The following SLC2A14 variants were observed in gnomAD, a reference collection of about 807,000 sequenced individuals.
SLC2A14 encodes the protein solute carrier family 2 member 14.
A neutral mutation model predicts 43.0 loss-of-function variants in SLC2A14; 13 were observed. That is an observed-to-expected ratio of 0.30 (90% CI 0.20 to 0.48). The LOEUF is 0.48. Among genes scored for constraint, SLC2A14 ranks in the 20% least tolerant of loss-of-function variants. SLC2A14 has a pLI of 0.99. For missense variants in SLC2A14, 428 were observed against 620.4 expected (o/e 0.69, Z 3.29); for synonymous variants, 190 against 233.8 (o/e 0.81, Z 1.71).
intron 2 of SLC2A14, among the ~76,000 whole-genome samples, chr12:7,846,697 T>A (rs1592237520): frequency 6.6e-6 from 1 of 151,056 alleles, no homozygotes; most frequent in Admixed American, 6.6e-5. Flanking sequence ...AATGGCGTGA[T>A]CTTGGCTCAC....
At chr12:7,858,446 G>C (rs1178345189) in intron 2 of SLC2A14, among the ~76,000 whole-genome samples, 3 of 152,036 alleles carry the variant, frequency 2.0e-5, no homozygotes, top group African/African-American at 7.2e-5. Context: ...CCCATTCTGT[G>C]GGTTGTCTTT....
At chr12:7,821,158 T>A (rs1488954587) in intron 8 of SLC2A14, 63 bp downstream of exon 8, 1 of 1,248,054 alleles carries the variant, frequency 8.0e-7, no homozygotes, top group Admixed American at 1.8e-5. Context: ...ATGCAATCCA[T>A]CTTTGAACAT....
chr12:7,820,074 T>TAAAAGGCCC (rs1224096120), intron 8 of SLC2A14, among the ~76,000 whole-genome samples: 1 of 61,732 alleles, frequency 1.6e-5, no homozygotes, highest in Non-Finnish European at 3.3e-5. Context: ...TAAGTCTGCA[T>TAAAAGGCCC]AAAAGGCCCA....
At chr12:7,819,647 T>G (rs1863763270) in intron 8 of SLC2A14, 64 bp from the exon 9 acceptor site, 1 of 1,498,148 alleles carries the variant, frequency 6.7e-7, no homozygotes, top group African/African-American at 1.5e-5. Flanking sequence ...TCTGAGCTAC[T>G]TGAAATCTGC....
intron 2 of SLC2A14, among the ~76,000 whole-genome samples, chr12:7,854,610 C>A (rs1261436295): frequency 6.6e-6 from 1 of 152,038 alleles, no homozygotes; most frequent in Non-Finnish European, 1.5e-5. Context: ...CTCCGCCTCC[C>A]GGGTTCAAAC....
In SLC2A14 at chr12:7,831,669, G is replaced by C; in HGVS notation, c.207C>G (p.Ala69=). 1.2e-6 allele frequency: 2 copies of C among 1,614,216 alleles called. No individual in the cohort carries two copies. Among genetic ancestry groups the C allele is most frequent in the South Asian group, 1.1e-5 (1 of 91,088 alleles). ...CGATCATACCCCCGACGGAAAATAT[G>C]GCCACAGACAAGGACCAGAGATTCG... The part of the protein sequence containing the change: ...LLTNLWSLSV[A]IFSVGGMIGS... The change falls in exon 4 of 11, where the codon GCC becomes GCG. Residue 69 remains alanine (A), a synonymous_variant. Transcript: ENST00000431042.
At chr12:7,871,190 AG>A in intron 1 of SLC2A14, 1 of 1,260,282 alleles carries the variant, frequency 7.9e-7, no homozygotes, top group Non-Finnish European at 1.0e-6. Flanking sequence ...TGCTTCAACG[AG>A]GAATCCTCAG....
At chr12:7,847,980 C>T (rs1362438646) in intron 2 of SLC2A14, among the ~76,000 whole-genome samples, 1 of 151,962 alleles carries the variant, frequency 6.6e-6, no homozygotes, top group African/African-American at 2.4e-5. Context: ...AGGCAACAGA[C>T]ACGAGCAAAC....
At position 7,831,614 on chromosome 12, in the gene SLC2A14, G is replaced by T. The variant is rs948978048; in HGVS notation, c.262C>A (p.Arg88Ser). 1.9e-6 allele frequency: 3 copies of T among 1,614,096 alleles called. No homozygotes were observed. The highest frequency in any genetic ancestry group is 2.5e-6 in the Non-Finnish European group (3 of 1,180,028). Reference protein sequence around the residue: ...GSFSVGLFVNRFGRRNSMLIV... With the variant: ...GSFSVGLFVNSFGRRNSMLIV... ...GTTTCTAGTCAATACCTGCCAAAGC[G>T]GTTAACAAAGAGTCCGACGGAAAAG... Residue 88 changes from arginine to serine, a missense_variant, in exon 4 of 11, where the codon CGC becomes AGC. This residue lies in a region of SLC2A14 where 122 missense variants were observed against 128.8 expected (regional missense o/e 0.95). Coordinates refer to ENST00000431042, the MANE Select transcript of SLC2A14 (RefSeq NM_001286234.2).
intron 1 of SLC2A14, among the ~76,000 whole-genome samples, chr12:7,878,857 A>G (rs1408695159): frequency 6.6e-6 from 1 of 151,272 alleles, no homozygotes; most frequent in Non-Finnish European, 1.5e-5. Flanking sequence ...CCTGCCTGTA[A>G]TCCCAGCTAC....
At chr12:7,859,969 A>G (rs1423923882) in intron 2 of SLC2A14, among the ~76,000 whole-genome samples, 1 of 152,192 alleles carries the variant, frequency 6.6e-6, no homozygotes, top group Non-Finnish European at 1.5e-5. Flanking sequence ...AATTCCAGGC[A>G]GAGAGATGCT....
intron 4 of SLC2A14, 116 bp downstream of exon 4, chr12:7,831,488 T>C (rs1428768064): frequency 2.0e-5 from 29 of 1,467,074 alleles, no homozygotes; most frequent in Non-Finnish European, 2.6e-5. Context: ...TTTCCCTTGA[T>C]TAGAATTCAA....
intron 7 of SLC2A14, among the ~76,000 whole-genome samples, chr12:7,822,091 TGG>T (rs1179324631): frequency 6.6e-6 from 1 of 151,892 alleles, no homozygotes; most frequent in Admixed American, 6.6e-5. Flanking sequence ...CCCAAAGTGC[TGG>T]GATTACAGGC....
chr12:7,816,571 A>T (rs1863474788), intron 10 of SLC2A14, among the ~76,000 whole-genome samples: 1 of 149,982 alleles, frequency 6.7e-6, no homozygotes, highest in Non-Finnish European at 1.5e-5. Flanking sequence ...TGGACAAAAG[A>T]TATATTCTTA....
upstream of SLC2A14, among the ~76,000 whole-genome samples, chr12:7,874,886 T>TA (rs1945412113): frequency 9.7e-6 from 1 of 103,492 alleles, no homozygotes; most frequent in African/African-American, 3.9e-5. Context: ...AAATATATAT[T>TA]TATATAAAAA....
chr12:7,866,336 C>T (rs1944907813), intron 2 of SLC2A14, among the ~76,000 whole-genome samples: 1 of 151,724 alleles, frequency 6.6e-6, no homozygotes, highest in South Asian at 2.1e-4. Context: ...AAGCCTAATC[C>T]AGAGCAAGGC....
intron 2 of SLC2A14, among the ~76,000 whole-genome samples, chr12:7,841,500 A>G (rs1303081304): frequency 6.6e-6 from 1 of 152,086 alleles, no homozygotes; most frequent in Non-Finnish European, 1.5e-5. Flanking sequence ...ACCTCAGAAG[A>G]TCTGCCTGAC....
intron 2 of SLC2A14, among the ~76,000 whole-genome samples, chr12:7,848,853 G>A (rs1866689298): frequency 6.6e-6 from 1 of 150,538 alleles, no homozygotes; most frequent in African/African-American, 2.4e-5. Context: ...ACCGCGCCCG[G>A]CCTCTTTTTT....
chr12:7,848,180 A>T (rs1866614258), intron 2 of SLC2A14, among the ~76,000 whole-genome samples: 1 of 152,084 alleles, frequency 6.6e-6, no homozygotes, highest in South Asian at 2.1e-4. Context: ...GGAATGAAGC[A>T]GTGGGAGGTT....
Sources: gnomAD v4.1 joint callset for allele counts (sites outside exome capture counted in the v4.1 genomes callset) on GRCh38, gnomAD v4.1.1 for gene constraint, gnomAD v4.1.1 regional missense constraint, MANE v1.5 for transcripts, NCBI Gene and HGNC (gene_info 2026-07-23, HGNC 2026-07-21) for gene names.